The following FGD6 variants were observed in gnomAD, a reference collection of about 807,000 sequenced individuals.
The protein encoded by FGD6 is FYVE, RhoGEF and PH domain-containing protein 6.
In FGD6, 90 loss-of-function variants were observed where a neutral mutation model predicts 149.4. The ratio of observed to expected loss-of-function variants is 0.60; its 90% CI spans 0.51 to 0.72. The LOEUF (loss-of-function observed/expected upper bound fraction) is 0.72, where lower values mean the gene tolerates loss of function less well. Ranked by LOEUF, FGD6 falls within the 30% of genes least tolerant of loss-of-function variation. The pLI, the probability that FGD6 is intolerant of heterozygous loss-of-function variation, is 0.00. For missense variants in FGD6, 1,437 were observed against 1,684.8 expected (o/e 0.85, Z 2.57); for synonymous variants, 527 against 584.0 (o/e 0.90, Z 1.41).
intron 14 of FGD6, chr12:95,100,619 CT>C: frequency 2.0e-6 from 1 of 512,500 alleles, no homozygotes; most frequent in Non-Finnish European, 3.9e-6. Context: ...TTTTCCCACC[CT>C]TGGGACTCTA....
chr12:95,213,297 A>C (rs1469504944), intron 1 of FGD6, among the ~76,000 whole-genome samples: 2 of 152,166 alleles, frequency 1.3e-5, no homozygotes, highest in Non-Finnish European at 2.9e-5. Context: ...TAGTTTTGGC[A>C]GCCTGGCATA....
Position 95,091,725 on chromosome 12 carries a change from G to A in FGD6, c.3832C>T (p.Gln1278Ter). 6.2e-7 allele frequency: 1 copy of A among 1,612,476 alleles called. No homozygotes were observed. The highest frequency in any genetic ancestry group is 8.5e-7 in the Non-Finnish European group (1 of 1,179,460). Residue 1278 changes from glutamine to a stop codon, truncating the protein, a stop_gained, in exon 17 of 21, where the codon CAA (glutamine) becomes TAA (stop). Transcript: ENST00000343958. LOFTEE classifies it high-confidence loss of function. ...QPARVCEHCF[Q>*]ELQKLDHQHS... is the part of the protein sequence containing the mutation. ...ATATTACCTAATTTCTGCAGTTCTT[G>A]GAAACAATGTTCACATACTCTTGCT...
At chr12:95,133,953 T>C (rs1009648865) in intron 8 of FGD6, among the ~76,000 whole-genome samples, 2 of 152,158 alleles carry the variant, frequency 1.3e-5, no homozygotes, top group African/African-American at 4.8e-5. Flanking sequence ...AACACAGTGT[T>C]TTTGCTTTTT....
At chr12:95,205,257 G>A (rs945094110) in intron 2 of FGD6, among the ~76,000 whole-genome samples, 3 of 140,578 alleles carry the variant, frequency 2.1e-5, no homozygotes, top group African/African-American at 8.3e-5. Context: ...AACACAGCAT[G>A]ACTCTGTCTC....
intron 6 of FGD6, among the ~76,000 whole-genome samples, chr12:95,137,924 A>C (rs1879721953): frequency 6.6e-6 from 1 of 152,076 alleles, no homozygotes; most frequent in African/African-American, 2.4e-5. Context: ...AGAGACTCTT[A>C]AAAAATGTTT....
chr12:95,208,748 CA>C, intron 2 of FGD6, 94 bp downstream of exon 2: 1 of 1,391,516 alleles, frequency 7.2e-7, no homozygotes, highest in Non-Finnish European at 9.7e-7. Context: ...TTCCTTCAAC[CA>C]CGTGTTTTTT....
chr12:95,159,818 G>C (rs952440557), intron 3 of FGD6, among the ~76,000 whole-genome samples: 1 of 152,052 alleles, frequency 6.6e-6, no homozygotes, highest in East Asian at 1.9e-4. Context: ...TGGCAACATA[G>C]CAAGACCCTG....
At chr12:95,161,178 TCAAAAACAAAAA>T (rs200256084) in intron 3 of FGD6, among the ~76,000 whole-genome samples, 2 of 150,922 alleles carry the variant, frequency 1.3e-5, no homozygotes, top group Admixed American at 1.3e-4. Flanking sequence ...AAACTTCATC[TCAAAAACAAAAA>T]CAAAAACAAA....
At chr12:95,201,955 T>TACACAC (rs71078621) in intron 2 of FGD6, among the ~76,000 whole-genome samples, 158 of 146,558 alleles carry the variant, frequency 1.1e-3, no homozygotes, top group Non-Finnish European at 1.5e-3. Context: ...CAGGACAGAA[T>TACACAC]ACACACACAC....
intron 2 of FGD6, chr12:95,189,484 A>G (rs1305169411): frequency 1.3e-5 from 2 of 151,942 alleles, no homozygotes; most frequent in Non-Finnish European, 2.9e-5. Context: ...CCATCTCTGC[A>G]AACAAATACA....
intron 2 of FGD6, among the ~76,000 whole-genome samples, chr12:95,191,773 T>C (rs1392071143): frequency 6.6e-6 from 1 of 152,190 alleles, no homozygotes; most frequent in Non-Finnish European, 1.5e-5. Flanking sequence ...GTTTCGTTCT[T>C]GTTGCCCAGG....
At chr12:95,185,863 A>C (rs1475945209) in intron 2 of FGD6, among the ~76,000 whole-genome samples, 1 of 152,194 alleles carries the variant, frequency 6.6e-6, no homozygotes, top group Non-Finnish European at 1.5e-5. Context: ...TCCATCTCAA[A>C]AATAAAAATA....
chr12:95,095,803 C>T (rs945409941), intron 14 of FGD6, among the ~76,000 whole-genome samples: 8 of 152,078 alleles, frequency 5.3e-5, no homozygotes, highest in African/African-American at 1.9e-4. Flanking sequence ...CATTTGAGCT[C>T]AGGAGTTCGA....
At chr12:95,161,009 G>A (rs769349800) in intron 3 of FGD6, among the ~76,000 whole-genome samples, 27 of 151,638 alleles carry the variant, frequency 1.8e-4, no homozygotes, top group Non-Finnish European at 3.2e-4. Flanking sequence ...GTGAAACCCC[G>A]TCTCCACCAA....
intron 5 of FGD6, among the ~76,000 whole-genome samples, chr12:95,148,494 A>AATATATAGCATATATTATATTATATATT (rs1880079541): frequency 3.6e-5 from 4 of 110,698 alleles, no homozygotes; most frequent in Admixed American, 2.3e-4. Flanking sequence ...ATATATATAT[A>AATATATAGCATATATTATATTATATATT]ATATAATATA....
At chr12:95,202,723 C>A (rs2056669732) in intron 2 of FGD6, among the ~76,000 whole-genome samples, 1 of 152,070 alleles carries the variant, frequency 6.6e-6, no homozygotes, top group African/African-American at 2.4e-5. Context: ...GAAAAAAGAA[C>A]AGCTTTATTG....
chr12:95,094,212 C>T (rs1036324300), intron 15 of FGD6, among the ~76,000 whole-genome samples: 2 of 151,522 alleles, frequency 1.3e-5, no homozygotes, highest in South Asian at 2.1e-4. Context: ...ATATTTTTCA[C>T]GTGCTCGGAA....
At chr12:95,180,565 G>A (rs1425478897) in intron 2 of FGD6, among the ~76,000 whole-genome samples, 2 of 151,560 alleles carry the variant, frequency 1.3e-5, no homozygotes, top group African/African-American at 2.4e-5. Flanking sequence ...GCTAATTTTC[G>A]TATTTTTTCT....
intron 2 of FGD6, among the ~76,000 whole-genome samples, chr12:95,205,069 A>G (rs1033418210): frequency 9.2e-5 from 14 of 152,162 alleles, no homozygotes; most frequent in African/African-American, 3.4e-4. Context: ...GGAGTTCGAG[A>G]CTAGCCTGGG....
Sources: gnomAD v4.1 joint callset for allele counts (sites outside exome capture counted in the v4.1 genomes callset) on GRCh38, gnomAD v4.1.1 for gene constraint, MANE v1.5 for transcripts, NCBI Gene and HGNC (gene_info 2026-07-23, HGNC 2026-07-21) for gene names.